Variants in PITPNM2 observed in about 807,000 individuals in gnomAD.
PITPNM2 encodes the protein phosphatidylinositol transfer protein membrane associated 2.
PITPNM2 carries 35 observed loss-of-function variants against 132.2 expected under a neutral mutation model. The ratio of observed to expected loss-of-function variants is 0.26; its 90% CI spans 0.20 to 0.35. PITPNM2 has a LOEUF of 0.35. PITPNM2 is among the 10% of genes least tolerant of loss of function. PITPNM2 has a pLI of 1.00. For missense variants in PITPNM2, 1,332 were observed against 1,912.0 expected (o/e 0.70, Z 5.66); for synonymous variants, 738 against 799.2 (o/e 0.92, Z 1.29).
chr12:123,115,582 T>C (rs180863047), intron 1 of PITPNM2, among the ~76,000 whole-genome samples: 1 of 151,462 alleles, frequency 6.6e-6, no homozygotes, highest in Non-Finnish European at 1.5e-5. Flanking sequence ...CACACACACA[T>C]ACACACACGC....
chr12:123,115,468 G>A (rs1194647714), intron 1 of PITPNM2, among the ~76,000 whole-genome samples: 2 of 152,142 alleles, frequency 1.3e-5, no homozygotes, highest in African/African-American at 2.4e-5. Context: ...AAGCAGAGCA[G>A]GGGAAGAGAA....
At chr12:123,113,494 G>A (rs2042880091) in intron 1 of PITPNM2, among the ~76,000 whole-genome samples, 1 of 152,166 alleles carries the variant, frequency 6.6e-6, no homozygotes, top group South Asian at 2.1e-4. Flanking sequence ...GAGCTCAGGA[G>A]TTCAAGACAA....
chr12:123,106,779 GA>G lies in PITPNM2; in HGVS notation c.-96+3605del, dbSNP rs2042724517. Among the ~76,000 whole-genome samples the G allele has an allele frequency of 6.6e-6, 1 of 152,236 alleles. No homozygotes were observed. The highest frequency in any genetic ancestry group is 6.5e-5 in the Admixed American group (1 of 15,282). ...GGGCAGCATCTTTGCTCCAGGGCATGAGGGCACTCAGCCCTCTACTTCCTCT... is the reference window on the plus strand; with the variant it reads ...GGGCAGCATCTTTGCTCCAGGGCATGGGGCACTCAGCCCTCTACTTCCTCT... On this transcript the variant is annotated intron_variant, in intron 2 of 25. Coordinates refer to ENST00000320201, the MANE Select transcript of PITPNM2 (RefSeq NM_020845.3). This position sits in a 1 kb window ranked among gnomAD's most constrained non-coding sequence, Gnocchi z 4.4.
At position 123,139,509 on chromosome 12, in the gene PITPNM2, A is replaced by AG. The variant is rs1443614117; in HGVS notation, c.-200+11243_-200+11244insC. Among the ~76,000 whole-genome samples the AG allele has an allele frequency of 4.6e-5, 7 of 150,974 alleles. No individual in the cohort carries two copies. In the East Asian group the frequency reaches 1.5e-3, roughly 32 times the overall value. On this transcript the variant is annotated intron_variant, in intron 1 of 25. Transcript: ENST00000320201. The stretch of plus-strand genomic sequence containing the variant: ...ATGAGAGATTACCTCTCAAAAAAAA[A>AG]AAAAAACAACAGACAACTGCACATC...
chr12:122,986,372 C>T (rs769468756), intron 25 of PITPNM2, 22 bp from the exon 26 acceptor site: 4 of 1,575,378 alleles, frequency 2.5e-6, no homozygotes, highest in Non-Finnish European at 3.4e-6. Flanking sequence ...GTGAGGACGG[C>T]TGTCACAGGC....
rs753257280 is a variant in PITPNM2 at position 122,995,515 on chromosome 12, C to A, written c.1928G>T (p.Arg643Leu). The change falls in exon 14 of 26, where the codon CGA becomes CTA. Residue 643 changes from arginine (R) to leucine (L), a missense_variant. This residue lies in a region of PITPNM2 where 710 missense variants were observed against 911.5 expected (regional missense o/e 0.78). Coordinates refer to ENST00000320201, the MANE Select transcript of PITPNM2 (RefSeq NM_020845.3). Reference sequence around the variant, plus strand: ...GCTGCGGGGGATGTCGACGTTGCTTCGGCTCAGGTGCCGACTGCTCTCCAG... The same window carrying A: ...GCTGCGGGGGATGTCGACGTTGCTTAGGCTCAGGTGCCGACTGCTCTCCAG... Reference protein sequence around the residue: ...SSLESSRHLSRSNVDIPRSNG... With the variant: ...SSLESSRHLSLSNVDIPRSNG... 6.2e-7 allele frequency: 1 copy of A among 1,613,164 alleles called. No individual in the cohort carries two copies. The highest frequency in any genetic ancestry group is 8.5e-7 in the Non-Finnish European group (1 of 1,180,014).
At chr12:122,986,915 A>T in intron 23 of PITPNM2, 86 bp from the exon 24 acceptor site, 1 of 1,422,394 alleles carries the variant, frequency 7.0e-7, no homozygotes, top group Non-Finnish European at 9.4e-7. Context: ...CACTTGGGCC[A>T]TTGGAAAGCA....
chr12:123,137,528 T>C (rs545519170), intron 1 of PITPNM2, among the ~76,000 whole-genome samples: 21 of 152,294 alleles, frequency 1.4e-4, no homozygotes, highest in Admixed American at 1.2e-3. Flanking sequence ...CCAGTCTCTC[T>C]GAATCCACAC....
rs1444156856 is a variant in PITPNM2, at chr12:123,004,324, T to G, written c.1048+70A>C. 3.2e-5 allele frequency: 47 copies of G among 1,453,194 alleles called. No homozygotes were observed. The highest frequency in any genetic ancestry group is 4.1e-5 in the Non-Finnish European group (43 of 1,039,060). The allele number at this position is 1,453,194 out of a possible 1,614,324, so 90.0% of individuals were successfully genotyped here. ...CCCGCATCAGTCCACACCCACACCC[T>G]AAGCCCTTTCAGACCCCTCCCCACC... On this transcript the variant is annotated intron_variant, in intron 8 of 25. Transcript: ENST00000320201. This position sits in a 1 kb window ranked among gnomAD's most constrained non-coding sequence, Gnocchi z 4.9.
chr12:123,092,982 C>G (rs773977833), intron 2 of PITPNM2, among the ~76,000 whole-genome samples: 2 of 152,186 alleles, frequency 1.3e-5, no homozygotes, highest in Non-Finnish European at 2.9e-5. Flanking sequence ...CACTTGTGAT[C>G]CATGGATGTG....
At chr12:123,147,888 TGC>T (rs1354580209) in intron 1 of PITPNM2, among the ~76,000 whole-genome samples, 2 of 152,226 alleles carry the variant, frequency 1.3e-5, no homozygotes, top group Non-Finnish European at 2.9e-5. Context: ...CCAAGCACAC[TGC>T]ATGGTGCATA....
chr12:123,086,961 C>A (rs1173399758), intron 2 of PITPNM2, among the ~76,000 whole-genome samples: 1 of 152,228 alleles, frequency 6.6e-6, no homozygotes, highest in Non-Finnish European at 1.5e-5. Context: ...GTACTCAGTT[C>A]TGCTCAGCCC....
intron 1 of PITPNM2, among the ~76,000 whole-genome samples, chr12:123,134,840 T>G (rs1021368662): frequency 9.2e-5 from 14 of 152,148 alleles, no homozygotes; most frequent in Non-Finnish European, 2.1e-4. Context: ...ATAAGGCCTC[T>G]GCGGGACTCA....
chr12:123,058,184 T>C lies in PITPNM2; in HGVS notation c.-95-23499A>G, dbSNP rs1201225428. 6.6e-6 allele frequency among the ~76,000 whole-genome samples: 1 copy of C among 152,224 alleles called. No individual in the cohort carries two copies. The highest frequency in any genetic ancestry group is 1.5e-5 in the Non-Finnish European group (1 of 68,032). On this transcript the variant is annotated intron_variant, in intron 2 of 25. Coordinates refer to ENST00000320201, the MANE Select transcript of PITPNM2 (RefSeq NM_020845.3). The surrounding 1 kb of genome is among the most constrained non-coding windows in gnomAD (Gnocchi z 4.0). ...AGATCAGACAATTCAGCCAAGGTTG[T>C]AGGGCTGCCAGGGAGGTGGTCAGGG...
intron 1 of PITPNM2, among the ~76,000 whole-genome samples, chr12:123,140,964 A>G (rs1045137184): frequency 6.1e-5 from 9 of 147,084 alleles, no homozygotes; most frequent in Admixed American, 3.4e-4. Flanking sequence ...AAGAAAAGGG[A>G]AAAAAAAAAA....
chr12:122,987,630 G>T lies in PITPNM2; in HGVS notation c.3144C>A (p.Pro1048=). 1 of 1,613,696 alleles carries T rather than the reference G, an allele frequency of 6.2e-7. No individual in the cohort carries two copies. The highest frequency in any genetic ancestry group is 8.5e-7 in the Non-Finnish European group (1 of 1,179,902). ...KVDVHIMTQP[P]SGEWLYLDTL... Reference sequence around the variant, plus strand: ...TATCCAGGTAGAGCCACTCGCCTGAGGGCGGCTGGGTCATGATGTGCACAT... The same window carrying T: ...TATCCAGGTAGAGCCACTCGCCTGATGGCGGCTGGGTCATGATGTGCACAT... The change falls in exon 22 of 26, where the codon CCC becomes CCA. Residue 1048 remains proline (P), a synonymous_variant. Coordinates refer to ENST00000320201, the MANE Select transcript of PITPNM2 (RefSeq NM_020845.3).
intron 8 of PITPNM2, among the ~76,000 whole-genome samples, chr12:123,002,043 A>G (rs2038710440): frequency 6.6e-6 from 1 of 151,946 alleles, no homozygotes; most frequent in African/African-American, 2.4e-5. Flanking sequence ...AAAAAAAAAA[A>G]AAGCTACATT....
intron 2 of PITPNM2, among the ~76,000 whole-genome samples, chr12:123,067,223 AG>A (rs2136851769): frequency 6.6e-6 from 1 of 152,244 alleles, no homozygotes; most frequent in African/African-American, 2.4e-5. Context: ...TTGGGAACCA[AG>A]GTGGGTGGAA....
At chr12:123,030,149 G>A in intron 3 of PITPNM2, among the ~76,000 whole-genome samples, 1 of 152,050 alleles carries the variant, frequency 6.6e-6, no homozygotes, top group Non-Finnish European at 1.5e-5. Flanking sequence ...ATGGGCAGAA[G>A]GACCCTTGAG....
Sources: gnomAD v4.1 joint callset for allele counts (sites outside exome capture counted in the v4.1 genomes callset) on GRCh38, gnomAD v4.1.1 for gene constraint, gnomAD v4.1.1 regional missense constraint, Gnocchi (gnomAD v3.1) non-coding constraint, MANE v1.5 for transcripts, NCBI Gene and HGNC (gene_info 2026-07-23, HGNC 2026-07-21) for gene names.